Variants in NTM observed in about 807,000 individuals in gnomAD.
NTM encodes the protein IgLON family member 2.
In NTM, 13 loss-of-function variants were observed where a neutral mutation model predicts 42.1. The ratio of observed to expected loss-of-function variants is 0.31; its 90% CI spans 0.20 to 0.49. NTM has a LOEUF of 0.49. Ranked by LOEUF, NTM falls within the 20% of genes least tolerant of loss-of-function variation. NTM has a pLI of 0.99. For synonymous variants in NTM, 187 were observed against 179.2 expected, an observed-to-expected ratio of 1.04 and a Z score of -0.35; for missense variants, 373 against 452.8, an observed-to-expected ratio of 0.82 and a Z score of 1.60.
chr11:132,330,273 A>G, intron 8 of NTM, 88 bp downstream of exon 8: 2 of 1,436,316 alleles, frequency 1.4e-6, no homozygotes, highest in African/African-American at 1.4e-5. Context: ...TTCTTTCCTG[A>G]GCTAACTCCA....
At chr11:131,389,024 A>AAAAAAAAAAAAAAAAGAAAAG (rs774146196) in intron 1 of NTM, among the ~76,000 whole-genome samples, 7 of 89,906 alleles carry the variant, frequency 7.8e-5, no homozygotes, top group South Asian at 7.8e-4. Context: ...AAAAAAAAAA[A>AAAAAAAAAAAAAAAAGAAAAG]AAAAGAAAAG....
intron 4 of NTM, among the ~76,000 whole-genome samples, chr11:132,278,257 C>G (rs2093812678): frequency 6.6e-6 from 1 of 152,190 alleles, no homozygotes. Flanking sequence ...TTGTATTATG[C>G]TCTCAGATAC....
At chr11:131,773,967 A>C (rs2086556807) in intron 1 of NTM, 1 of 977,108 alleles carries the variant, frequency 1.0e-6, no homozygotes, top group African/African-American at 1.8e-5. Context: ...CAAATCCAAT[A>C]GTGTTAAGGA....
chr11:132,278,849 A>G (rs1224894759), intron 4 of NTM, among the ~76,000 whole-genome samples: 1 of 149,574 alleles, frequency 6.7e-6, no homozygotes, highest in East Asian at 2.0e-4. Context: ...TGTTCACTCT[A>G]CGCTCCTCTC....
At chr11:131,609,867 G>C (rs1311700447) in intron 1 of NTM, among the ~76,000 whole-genome samples, 1 of 152,184 alleles carries the variant, frequency 6.6e-6, no homozygotes, top group African/African-American at 2.4e-5. Context: ...ACCAAACACA[G>C]GCTTTCCATC....
chr11:131,995,090 C>T (rs1198624427), intron 2 of NTM, among the ~76,000 whole-genome samples: 1 of 152,118 alleles, frequency 6.6e-6, no homozygotes, highest in Non-Finnish European at 1.5e-5. Flanking sequence ...TCTAGTGCAC[C>T]CTGCACAGCA....
chr11:131,699,538 T>C (rs2075840415), intron 1 of NTM, among the ~76,000 whole-genome samples: 1 of 152,172 alleles, frequency 6.6e-6, no homozygotes, highest in South Asian at 2.1e-4. Flanking sequence ...GATCACTAGC[T>C]GTATTAGTTC....
chr11:131,789,564 A>G lies in NTM; in HGVS notation c.83-122000A>G, dbSNP rs545868392. 6.1e-4 allele frequency among the ~76,000 whole-genome samples: 21 copies of G among 34,360 alleles called. 3 individuals are homozygous for G. The highest frequency in any genetic ancestry group is 1.8e-3 in the South Asian group (2 of 1,110). The allele number at this position is 34,360 out of a possible 152,430, so 22.5% of individuals were successfully genotyped here. A position where few individuals can be genotyped will look rare whatever the true frequency, so the allele number is the denominator to read the frequency against. ...GAAGAAGAAAAGAAGAAGAAGAAGAAGAAGAAGAAGAAGAAGAAGAAGAAG... is the reference window on the plus strand; with the variant it reads ...GAAGAAGAAAAGAAGAAGAAGAAGAGGAAGAAGAAGAAGAAGAAGAAGAAG... On this transcript the variant is annotated intron_variant, in intron 1 of 8. Coordinates refer to ENST00000683400, the MANE Select transcript of NTM (RefSeq NM_001352005.2).
intron 1 of NTM, among the ~76,000 whole-genome samples, chr11:131,518,019 T>A (rs2049117547): frequency 6.6e-6 from 1 of 152,212 alleles, no homozygotes; most frequent in Non-Finnish European, 1.5e-5. Context: ...TGTATTCCAT[T>A]TTATAGCTTC....
chr11:131,515,794 G>C (rs1056262311), intron 1 of NTM, among the ~76,000 whole-genome samples: 6 of 152,172 alleles, frequency 3.9e-5, no homozygotes. Context: ...AAACGTTTCA[G>C]GGAGATTGCA....
At chr11:132,288,809 C>T (rs555097754) in intron 4 of NTM, among the ~76,000 whole-genome samples, 214 of 152,100 alleles carry the variant, frequency 1.4e-3, no homozygotes, top group African/African-American at 4.3e-3. Context: ...TTAGTAGAGA[C>T]GGGGTTTCAC....
At chr11:132,216,397 G>A (rs2083873117) in intron 4 of NTM, among the ~76,000 whole-genome samples, 1 of 152,172 alleles carries the variant, frequency 6.6e-6, no homozygotes, top group Non-Finnish European at 1.5e-5. Context: ...ATCTGTGGGT[G>A]TCACTATCCA....
At chr11:131,558,339 A>G (rs182673065) in intron 1 of NTM, among the ~76,000 whole-genome samples, 147 of 152,252 alleles carry the variant, frequency 9.7e-4, no homozygotes, top group African/African-American at 2.9e-3. Flanking sequence ...ACCTGGGAAT[A>G]TCCATACCCA....
Position 131,659,343 on chromosome 11 carries a change from C to A in NTM, c.83-252221C>A, listed in dbSNP as rs538675192. ...TGACCACATCCTAGTGTGCAGGGTGCTTCGGGGTCCTCCTGTCTCACAGGT... is the reference window on the plus strand; with the variant it reads ...TGACCACATCCTAGTGTGCAGGGTGATTCGGGGTCCTCCTGTCTCACAGGT... On this transcript the variant is annotated intron_variant, in intron 1 of 8. Coordinates refer to ENST00000683400, the MANE Select transcript of NTM (RefSeq NM_001352005.2). Among the ~76,000 whole-genome samples, 16 of 152,308 alleles carry A rather than the reference C, an allele frequency of 1.1e-4. No individual in the cohort carries two copies. The East Asian group carries it at 2.7e-3, about 26-fold the overall frequency.
chr11:132,171,922 AT>A (rs1317911651), intron 3 of NTM, among the ~76,000 whole-genome samples: 1 of 152,146 alleles, frequency 6.6e-6, no homozygotes, highest in African/African-American at 2.4e-5. Context: ...CAAATCTCCT[AT>A]GGTGGTCTCT....
chr11:131,660,959 A>G, intron 1 of NTM: 1 of 1,304,270 alleles, frequency 7.7e-7, no homozygotes, highest in Non-Finnish European at 1.0e-6. Flanking sequence ...CTCATCCCCA[A>G]GGCAAAGTTG....
At chr11:131,922,853 C>A (rs944102117) in intron 2 of NTM, among the ~76,000 whole-genome samples, 2 of 152,178 alleles carry the variant, frequency 1.3e-5, no homozygotes, top group African/African-American at 2.4e-5. Context: ...GCTTTTTAAT[C>A]GCCTGGTGCC....
At chr11:131,749,597 GTTTTC>G (rs925518338) in intron 1 of NTM, among the ~76,000 whole-genome samples, 1 of 151,974 alleles carries the variant, frequency 6.6e-6, no homozygotes, top group African/African-American at 2.4e-5. Context: ...TTTTTTGTTT[GTTTTC>G]TTTTGTTTTG....
chr11:132,069,223 A>G (rs1207449300), intron 2 of NTM, among the ~76,000 whole-genome samples: 1 of 150,892 alleles, frequency 6.6e-6, no homozygotes, highest in African/African-American at 2.5e-5. Context: ...AGGTTAGTTA[A>G]CACGTCACTC....
Sources: gnomAD v4.1 joint callset for allele counts (sites outside exome capture counted in the v4.1 genomes callset) on GRCh38, gnomAD v4.1.1 for gene constraint, MANE v1.5 for transcripts, NCBI Gene and HGNC (gene_info 2026-07-23, HGNC 2026-07-21) for gene names.